Variants in MRPS9 observed in about 807,000 individuals in gnomAD.
The protein encoded by MRPS9 is mitochondrial ribosomal protein S9.
A neutral mutation model predicts 59.9 loss-of-function variants in MRPS9; 45 were observed. The observed-to-expected ratio is 0.75, with a 90% CI of 0.59 to 0.96. MRPS9 has a LOEUF of 0.96. Among genes scored for constraint, MRPS9 ranks in the 40% least tolerant of loss-of-function variants. The pLI is 0.00. For missense variants in MRPS9, 473 were observed against 481.1 expected, an observed-to-expected ratio of 0.98 and a Z score of 0.16; for synonymous variants, 171 against 166.8, an observed-to-expected ratio of 1.03 and a Z score of -0.19.
chr2:105,098,821 A>G (rs375285463), intron 10 of MRPS9, among the ~76,000 whole-genome samples: 2 of 152,198 alleles, frequency 1.3e-5, no homozygotes, highest in South Asian at 2.1e-4. Context: ...GACAAGGAAA[A>G]AGTATGGTCC....
At chr2:105,060,871 G>A (rs1207852538) in intron 2 of MRPS9, among the ~76,000 whole-genome samples, 2 of 151,630 alleles carry the variant, frequency 1.3e-5, no homozygotes, top group Non-Finnish European at 2.9e-5. Flanking sequence ...CAGCACTTTG[G>A]GAGGCCGAGG....
chr2:105,044,945 T>C (rs1679567180), intron 1 of MRPS9, among the ~76,000 whole-genome samples: 1 of 152,108 alleles, frequency 6.6e-6, no homozygotes, highest in Non-Finnish European at 1.5e-5. Flanking sequence ...AAGATATGAT[T>C]AAAGGAAACT....
Position 105,053,749 on chromosome 2 carries a change from G to A in MRPS9, c.315+4399G>A, listed in dbSNP as rs536544865. Among the ~76,000 whole-genome samples the A allele has an allele frequency of 2.0e-5, 3 of 152,268 alleles. No homozygotes were observed. In the East Asian group the frequency reaches 5.8e-4, roughly 29 times the overall value. On this transcript the variant is annotated intron_variant, in intron 2 of 10. Coordinates refer to ENST00000258455, the MANE Select transcript of MRPS9 (RefSeq NM_182640.3). ...ACTTAACATCACTATGTAAAGATAA[G>A]TGGTGGCAGCTATTCTGTACTTTTA...
intron 5 of MRPS9, among the ~76,000 whole-genome samples, chr2:105,084,631 G>C (rs765076400): frequency 7.9e-5 from 12 of 152,250 alleles, no homozygotes; most frequent in Non-Finnish European, 1.5e-4. Flanking sequence ...AATTAAGATA[G>C]TGACCCTTCT....
At position 105,048,072 on chromosome 2, in the gene MRPS9, T is replaced by TA. The variant is rs879590299; in HGVS notation, c.136-1099_136-1098insA. Among the ~76,000 whole-genome samples, 5 of 151,996 alleles carry TA rather than the reference T, an allele frequency of 3.3e-5. 1 individual carries two copies. The highest frequency in any genetic ancestry group is 7.4e-5 in the Non-Finnish European group (5 of 67,928). On this transcript the variant is annotated intron_variant, in intron 1 of 10. Transcript: ENST00000258455. ...CACACGTATGTTTATTGCGGCACTA[T>TA]TCACAATAGCAAAGACTTGGAACCA...
intron 1 of MRPS9, among the ~76,000 whole-genome samples, chr2:105,046,437 CTCTTT>C (rs1679596952): frequency 6.6e-6 from 1 of 151,900 alleles, no homozygotes; most frequent in African/African-American, 2.4e-5. Context: ...TTTTCTCCTT[CTCTTT>C]TAAGTGTCAA....
chr2:105,095,081 C>T (rs577643852), intron 9 of MRPS9, among the ~76,000 whole-genome samples: 151 of 152,242 alleles, frequency 9.9e-4, no homozygotes, highest in African/African-American at 3.4e-3. Flanking sequence ...GGAATGGGCA[C>T]CTACAACTAT....
chr2:105,070,988 A>G (rs1404091551), intron 2 of MRPS9, among the ~76,000 whole-genome samples: 2 of 152,240 alleles, frequency 1.3e-5, no homozygotes, highest in South Asian at 2.1e-4. Flanking sequence ...AGCTGGAACA[A>G]TTGCTCTTAA....
chr2:105,078,268 T>C (rs900021960), intron 4 of MRPS9, among the ~76,000 whole-genome samples: 1 of 151,314 alleles, frequency 6.6e-6, no homozygotes, highest in African/African-American at 2.4e-5. Flanking sequence ...ATAAAATACA[T>C]GATGAGGCAT....
intron 2 of MRPS9, among the ~76,000 whole-genome samples, chr2:105,070,854 G>A (rs908201661): frequency 4.1e-4 from 63 of 152,330 alleles, no homozygotes; most frequent in African/African-American, 1.5e-3. Context: ...TTTGGAAAGA[G>A]TGTAGTTTAA....
intron 4 of MRPS9, among the ~76,000 whole-genome samples, chr2:105,071,690 G>A (rs1680118950): frequency 6.6e-6 from 1 of 152,152 alleles, no homozygotes; most frequent in Non-Finnish European, 1.5e-5. Context: ...AATTAGATGT[G>A]TTTAGAGCTT....
At chr2:105,069,087 T>G (rs929939583) in intron 2 of MRPS9, among the ~76,000 whole-genome samples, 1 of 152,204 alleles carries the variant, frequency 6.6e-6, no homozygotes, top group Non-Finnish European at 1.5e-5. Context: ...TCGCCAACAG[T>G]GTGCTGTCAG....
At chr2:105,073,942 T>A (rs1680162354) in intron 4 of MRPS9, among the ~76,000 whole-genome samples, 1 of 152,228 alleles carries the variant, frequency 6.6e-6, no homozygotes, top group South Asian at 2.1e-4. Flanking sequence ...GAATACATTT[T>A]CTATGCAGAG....
chr2:105,051,687 A>G (rs183610985), intron 2 of MRPS9, among the ~76,000 whole-genome samples: 2 of 152,302 alleles, frequency 1.3e-5, no homozygotes, highest in East Asian at 1.9e-4. Flanking sequence ...GTGTCCCTCT[A>G]TAGATACAGA....
At chr2:105,088,038 A>T (rs1680484376) in intron 5 of MRPS9, among the ~76,000 whole-genome samples, 1 of 151,602 alleles carries the variant, frequency 6.6e-6, no homozygotes, top group Non-Finnish European at 1.5e-5. Flanking sequence ...TGAGATATGG[A>T]TTGACACATC....
At chr2:105,092,705 A>C in intron 8 of MRPS9, 136 bp downstream of exon 8, 1 of 845,778 alleles carries the variant, frequency 1.2e-6, no homozygotes, top group Non-Finnish European at 1.7e-6. Flanking sequence ...TGGATTTCCT[A>C]ATTTTTAAGA....
intron 4 of MRPS9, 89 bp downstream of exon 4, chr2:105,071,578 G>A: frequency 2.3e-6 from 3 of 1,286,828 alleles, no homozygotes; most frequent in Non-Finnish European, 3.3e-6. Flanking sequence ...ACATATCGTA[G>A]GGTGGCCTTC....
chr2:105,092,525 C>G lies in MRPS9; in HGVS notation c.776C>G (p.Pro259Arg). The change falls in exon 8 of 11, where the codon CCT (proline) becomes CGT (arginine). Residue 259 changes from proline (P) to arginine (R), a missense_variant. Physicochemically the swap from Pro to Arg is moderately radical, Grantham distance 103. Transcript: ENST00000258455. ...TLESKKQLIE[P>R]VQYDEQGMAF... ...GAATCAAAAAAACAGCTGATTGAACCTGTACAGTATGATGAGCAAGGAATG... is the reference window on the plus strand; with the variant it reads ...GAATCAAAAAAACAGCTGATTGAACGTGTACAGTATGATGAGCAAGGAATG... 1 of 1,613,470 alleles carries G rather than the reference C, an allele frequency of 6.2e-7. No individual in the cohort carries two copies. Among genetic ancestry groups the G allele is most frequent in the Non-Finnish European group, 8.5e-7 (1 of 1,179,840 alleles).
chr2:105,070,786 T>C (rs1680098073), intron 2 of MRPS9, among the ~76,000 whole-genome samples: 2 of 152,144 alleles, frequency 1.3e-5, no homozygotes, highest in Admixed American at 6.6e-5. Context: ...GATGGAGCTG[T>C]CACACCCACA....
Sources: allele counts gnomAD v4.1 joint callset (sites outside exome capture counted in the v4.1 genomes callset), GRCh38; gene constraint gnomAD v4.1.1; transcripts MANE v1.5; gene names NCBI Gene and HGNC (gene_info 2026-07-23, HGNC 2026-07-21).